CCDC66: variants seen among roughly 807,000 people sequenced by gnomAD.
The protein encoded by CCDC66 is coiled-coil domain-containing protein 66.
In CCDC66, 133 loss-of-function variants were observed where a neutral mutation model predicts 128.3. That is an observed-to-expected ratio of 1.04 (90% CI 0.90 to 1.20). The LOEUF is 1.20. CCDC66 is among the 50% of genes most tolerant of loss of function. CCDC66 has a pLI of 0.00. For synonymous variants in CCDC66, 387 were observed against 357.0 expected (o/e 1.08, Z -0.95); for missense variants, 1,126 against 1,075.5 (o/e 1.05, Z -0.66).
chr3:56,567,315 G>A (rs141793659), intron 6 of CCDC66, among the ~76,000 whole-genome samples: 3,985 of 152,244 alleles, frequency 0.026, 96 homozygotes, highest in African/African-American at 0.062. Flanking sequence ...GCTTGAACCT[G>A]GGAGGCAGAG....
chr3:56,619,184 A>ACTTCAT, intron 15 of CCDC66, 87 bp from the exon 16 acceptor site: 1 of 1,128,772 alleles, frequency 8.9e-7, no homozygotes. Context: ...ACAGAGCGAG[A>ACTTCAT]CTTCATCTCA....
intron 7 of CCDC66, among the ~76,000 whole-genome samples, chr3:56,576,845 A>G (rs1435733135): frequency 2.0e-5 from 3 of 151,680 alleles, no homozygotes; most frequent in Non-Finnish European, 4.4e-5. Flanking sequence ...GTTGGTTCCA[A>G]GTCTTTGCTA....
At chr3:56,594,782 A>G (rs2071574435) in intron 10 of CCDC66, among the ~76,000 whole-genome samples, 1 of 152,252 alleles carries the variant, frequency 6.6e-6, no homozygotes, top group East Asian at 1.9e-4. Flanking sequence ...AAGGGACTTT[A>G]ATATCTGCAT....
rs184631957 is a variant in CCDC66 at position 56,572,534 on chromosome 3, T to C, written c.936+1232T>C. 8.2e-4 allele frequency: 248 copies of C among 303,666 alleles called. 3 individuals are homozygous for C. Among genetic ancestry groups the C allele is most frequent in the South Asian group, 4.4e-3 (155 of 35,534 alleles). The allele number at this position is 303,666 out of a possible 1,614,324, so 18.8% of individuals were successfully genotyped here. A position where few individuals can be genotyped will look rare whatever the true frequency, so the allele number is the denominator to read the frequency against. Reference sequence around the variant, plus strand: ...TCTAAGTCCTCCTTATTTTTAGTTATCAGTTAATTTTTACTTGAGTGTATT... The same window carrying C: ...TCTAAGTCCTCCTTATTTTTAGTTACCAGTTAATTTTTACTTGAGTGTATT... On this transcript the variant is annotated intron_variant, in intron 7 of 17. Transcript: ENST00000394672.
intron 10 of CCDC66, among the ~76,000 whole-genome samples, chr3:56,604,356 A>C (rs2073737525): frequency 6.6e-6 from 1 of 151,998 alleles, no homozygotes; most frequent in South Asian, 2.1e-4. Context: ...TAGTTGATGC[A>C]GTTTCTTCAT....
chr3:56,568,955 C>T (rs1386574056), intron 6 of CCDC66, among the ~76,000 whole-genome samples: 5 of 152,200 alleles, frequency 3.3e-5, no homozygotes, highest in Non-Finnish European at 7.3e-5. Context: ...AATAGCTATG[C>T]TAAAGGCATG....
intron 10 of CCDC66, among the ~76,000 whole-genome samples, chr3:56,596,839 C>T (rs1273710874): frequency 4.6e-5 from 7 of 150,546 alleles, no homozygotes; most frequent in South Asian, 2.1e-4. Flanking sequence ...ACTGCCGCCT[C>T]CACCTCCCAG....
chr3:56,603,586 T>C (rs887224518), intron 10 of CCDC66, among the ~76,000 whole-genome samples: 1 of 152,106 alleles, frequency 6.6e-6, no homozygotes, highest in Non-Finnish European at 1.5e-5. Context: ...TTCCACGTAG[T>C]TGAGCGGTTT....
At chr3:56,577,138 T>C (rs1362878343) in intron 7 of CCDC66, among the ~76,000 whole-genome samples, 1 of 151,860 alleles carries the variant, frequency 6.6e-6, no homozygotes, top group Non-Finnish European at 1.5e-5. Flanking sequence ...TGGTATCTCA[T>C]TGTGGTTTTG....
At chr3:56,611,082 TGTA>T (rs1553705909) in intron 10 of CCDC66, among the ~76,000 whole-genome samples, 1 of 152,070 alleles carries the variant, frequency 6.6e-6, no homozygotes, top group Non-Finnish European at 1.5e-5. Flanking sequence ...AAGCATCAGC[TGTA>T]GTAGTGTGTG....
intron 3 of CCDC66, among the ~76,000 whole-genome samples, chr3:56,560,605 A>G (rs2064969765): frequency 6.6e-6 from 1 of 152,266 alleles, no homozygotes; most frequent in African/African-American, 2.4e-5. Context: ...CGCTAGTCCC[A>G]GCTACTTAGG....
At chr3:56,570,240 T>C (rs2066444823) in intron 6 of CCDC66, 1 of 152,204 alleles carries the variant, frequency 6.6e-6, no homozygotes. Flanking sequence ...GGAATTTAAA[T>C]TTATACAACA....
chr3:56,621,749 A>G lies in CCDC66; in HGVS notation c.*131A>G, dbSNP rs112561282. On this transcript the variant is annotated 3_prime_UTR_variant, in exon 18 of 18. Transcript: ENST00000394672. ...TTAAATGCTCATTAAAAACTTGTAT[A>G]CTATGTAGTAAAATGCTGTACTTGT... 1 of 519,152 alleles carries G rather than the reference A, an allele frequency of 1.9e-6. No individual in the cohort carries two copies. The allele number at this position is 519,152 out of a possible 1,614,324, so 32.2% of individuals were successfully genotyped here. A position where few individuals can be genotyped will look rare whatever the true frequency, so the allele number is the denominator to read the frequency against.
In CCDC66 at chr3:56,595,929, T is replaced by C. The variant is rs1013679580; in HGVS notation, c.1404+1901T>C. Among the ~76,000 whole-genome samples, 9 of 152,346 alleles carry C rather than the reference T, an allele frequency of 5.9e-5. 1 individual carries two copies. Among genetic ancestry groups the C allele is most frequent in the Admixed American group, 1.3e-4 (2 of 15,308 alleles). On this transcript the variant is annotated intron_variant, in intron 10 of 17. Transcript: ENST00000394672. ...TTGGTATGTTTGTTTGTTTGCTTGTTTTTGAGACAGGGTCTTGCTCTGCTG... is the reference window on the plus strand; with the variant it reads ...TTGGTATGTTTGTTTGTTTGCTTGTCTTTGAGACAGGGTCTTGCTCTGCTG...
intron 10 of CCDC66, among the ~76,000 whole-genome samples, chr3:56,604,365 A>C (rs542847190): frequency 6.9e-4 from 105 of 152,058 alleles, no homozygotes; most frequent in South Asian, 1.2e-3. Context: ...CAGTTTCTTC[A>C]TAGTGTCGAT....
intron 7 of CCDC66, among the ~76,000 whole-genome samples, chr3:56,578,222 T>C (rs947331895): frequency 6.6e-6 from 1 of 151,236 alleles, no homozygotes; most frequent in African/African-American, 2.4e-5. Context: ...CTGTTCTTGG[T>C]GTATAGGAAT....
intron 7 of CCDC66, among the ~76,000 whole-genome samples, chr3:56,587,809 C>T (rs1285681291): frequency 6.6e-6 from 1 of 152,116 alleles, no homozygotes; most frequent in Non-Finnish European, 1.5e-5. Flanking sequence ...GCAGAGGTTG[C>T]AGTGAGCCGA....
At chr3:56,598,125 T>G (rs2072445401) in intron 10 of CCDC66, among the ~76,000 whole-genome samples, 1 of 111,052 alleles carries the variant, frequency 9.0e-6, no homozygotes, top group African/African-American at 2.8e-5. Context: ...AAGGGGACGT[T>G]TTGATTTTAG....
intron 6 of CCDC66, among the ~76,000 whole-genome samples, chr3:56,568,442 A>G (rs2066182272): frequency 1.3e-5 from 2 of 152,206 alleles, no homozygotes; most frequent in South Asian, 2.1e-4. Context: ...GTCGTATTTT[A>G]TAATATTTGA....
Sources: allele counts gnomAD v4.1 joint callset (sites outside exome capture counted in the v4.1 genomes callset), GRCh38; gene constraint gnomAD v4.1.1; transcripts MANE v1.5; gene names NCBI Gene and HGNC (gene_info 2026-07-23, HGNC 2026-07-21).